FIRRM: variants seen among roughly 807,000 people sequenced by gnomAD.
FIRRM encodes the protein FIGNL1 interacting regulator of recombination and mitosis, also known as FIGNL1-interacting regulator of recombination and mitosis.
the FIRRM span, among the ~76,000 whole-genome samples, chr1:169,807,082 T>G: frequency 6.6e-6 from 1 of 152,210 alleles, no homozygotes; most frequent in Non-Finnish European, 1.5e-5. Flanking sequence ...GTCTATCCCA[T>G]TTGATTAAGA....
the FIRRM span, among the ~76,000 whole-genome samples, chr1:169,813,027 T>G: frequency 6.6e-6 from 1 of 152,220 alleles, no homozygotes; most frequent in Non-Finnish European, 1.5e-5. Context: ...TTTGCTATAT[T>G]GGAAAAGAAA....
chr1:169,821,622 C>T, the FIRRM span: 2 of 1,264,692 alleles, frequency 1.6e-6, no homozygotes, highest in African/African-American at 1.5e-5. Context: ...GTAAGCTTAG[C>T]TAATTTTATA....
the FIRRM span, among the ~76,000 whole-genome samples, chr1:169,834,163 TCTTA>T: frequency 6.6e-6 from 1 of 152,198 alleles, no homozygotes; most frequent in Non-Finnish European, 1.5e-5. Context: ...CCTAGAGATC[TCTTA>T]CTCTCAGTTT....
At chr1:169,836,654 ATAAC>A in the FIRRM span, among the ~76,000 whole-genome samples, 5 of 152,230 alleles carry the variant, frequency 3.3e-5, no homozygotes, top group Non-Finnish European at 5.9e-5. Context: ...GATATCTGAC[ATAAC>A]TAATAATGAA....
chr1:169,790,976 C>T, the FIRRM span, among the ~76,000 whole-genome samples: 3 of 152,226 alleles, frequency 2.0e-5, no homozygotes, highest in South Asian at 4.1e-4. Context: ...GATCATCAGG[C>T]ATTAGATTCT....
the FIRRM span, among the ~76,000 whole-genome samples, chr1:169,829,791 T>A: frequency 6.6e-6 from 1 of 152,172 alleles, no homozygotes. Flanking sequence ...TTAAAAAGGA[T>A]AGAATTTGAT....
the FIRRM span, chr1:169,807,919 C>T: frequency 6.2e-7 from 1 of 1,602,270 alleles, no homozygotes; most frequent in South Asian, 1.1e-5. Context: ...ATGACACAGT[C>T]AGATGCACAG....
chr1:169,801,717 T>C, the FIRRM span, among the ~76,000 whole-genome samples: 10 of 152,152 alleles, frequency 6.6e-5, no homozygotes, highest in Non-Finnish European at 1.5e-4. Flanking sequence ...ATGTTTTCTC[T>C]GAAAAGCACA....
the FIRRM span, chr1:169,852,056 C>A: frequency 7.3e-7 from 1 of 1,378,454 alleles, no homozygotes; most frequent in Admixed American, 1.9e-5. Flanking sequence ...TCAAATAGAT[C>A]TAGACATGTA....
the FIRRM span, among the ~76,000 whole-genome samples, chr1:169,786,335 G>C: frequency 6.6e-6 from 1 of 152,138 alleles, no homozygotes; most frequent in African/African-American, 2.4e-5. Flanking sequence ...GGAGAAGCTT[G>C]AACACAGCAA....
the FIRRM span, among the ~76,000 whole-genome samples, chr1:169,816,994 T>G: frequency 6.6e-6 from 1 of 152,168 alleles, no homozygotes; most frequent in Non-Finnish European, 1.5e-5. Context: ...ATGCTCCAAA[T>G]TTTATTCACA....
chr1:169,853,312 A>G, the FIRRM span: 75 of 339,506 alleles, frequency 2.2e-4, no homozygotes, highest in East Asian at 3.2e-3. Context: ...AAAATTTTTT[A>G]AAGTTGTATT....
chr1:169,809,479 T>C, the FIRRM span, among the ~76,000 whole-genome samples: 4 of 152,168 alleles, frequency 2.6e-5, no homozygotes, highest in African/African-American at 9.7e-5. Context: ...CAGCTAGTAC[T>C]TGGAGAGGAA....
chr1:169,792,701 C>A, the FIRRM span: 1 of 1,611,056 alleles, frequency 6.2e-7, no homozygotes, highest in Non-Finnish European at 8.5e-7. Flanking sequence ...ATGAACACCT[C>A]CACCTACACC....
At chr1:169,791,642 A>G in the FIRRM span, among the ~76,000 whole-genome samples, 1 of 152,368 alleles carries the variant, frequency 6.6e-6, no homozygotes, top group African/African-American at 2.4e-5. Context: ...CTAGTTAGCT[A>G]TTATGATCAC....
the FIRRM span, among the ~76,000 whole-genome samples, chr1:169,842,779 A>G: frequency 6.6e-6 from 1 of 152,158 alleles, no homozygotes. Context: ...TACTTTCCTA[A>G]CTGGTTATAC....
the FIRRM span, chr1:169,850,026 G>A: frequency 1.9e-6 from 1 of 538,380 alleles, no homozygotes; most frequent in Admixed American, 3.2e-5. Context: ...TCATAAGGGA[G>A]TCCAGAAGCA....
the FIRRM span, chr1:169,796,020 T>C: frequency 2.1e-6 from 2 of 956,570 alleles, no homozygotes; most frequent in Non-Finnish European, 2.5e-6. Flanking sequence ...TCACAACATT[T>C]GAGCCCAGCT....
chr1:169,788,024 C>T, the FIRRM span, among the ~76,000 whole-genome samples: 12 of 152,330 alleles, frequency 7.9e-5, no homozygotes, highest in African/African-American at 2.6e-4. Context: ...ACTTACCCCA[C>T]CATTCCCCCT....
Sources: allele counts gnomAD v4.1 joint callset (sites outside exome capture counted in the v4.1 genomes callset), GRCh38; gene constraint gnomAD v4.1.1; transcripts MANE v1.5; gene names NCBI Gene and HGNC (gene_info 2026-07-23, HGNC 2026-07-21).